MCUB: variants seen among roughly 807,000 people sequenced by gnomAD.
MCUB encodes mitochondrial calcium uniporter dominant negative subunit beta, also known as calcium uniporter regulatory subunit MCUb, mitochondrial.
Under a neutral mutation model 41.4 loss-of-function variants are expected in MCUB, and 46 were observed. The ratio of observed to expected loss-of-function variants is 1.11; its 90% CI spans 0.88 to 1.42. The LOEUF is 1.42. Ranked by LOEUF, MCUB falls within the 40% of genes most tolerant of loss-of-function variation. MCUB has a pLI of 0.00. For synonymous variants in MCUB, 148 were observed against 148.2 expected, an observed-to-expected ratio of 1.00 and a Z score of 0.01; for missense variants, 403 against 404.9, an observed-to-expected ratio of 1.00 and a Z score of 0.04.
chr4:109,601,170 A>C (rs1042210205), intron 1 of MCUB, among the ~76,000 whole-genome samples: 1 of 152,202 alleles, frequency 6.6e-6, no homozygotes, highest in Non-Finnish European at 1.5e-5. Flanking sequence ...TATGGGGTAC[A>C]TGAGATATTT....
At chr4:109,566,236 A>G (rs939199149) in intron 1 of MCUB, among the ~76,000 whole-genome samples, 5 of 150,654 alleles carry the variant, frequency 3.3e-5, no homozygotes, top group Non-Finnish European at 5.9e-5. Context: ...TTGGGAGGCC[A>G]AGGTGGGCAG....
At chr4:109,598,809 A>G (rs576894906) in intron 1 of MCUB, among the ~76,000 whole-genome samples, 10 of 152,328 alleles carry the variant, frequency 6.6e-5, no homozygotes, top group African/African-American at 2.4e-4. Context: ...TGTTCTTTCC[A>G]TAGTCAAATG....
chr4:109,578,785 A>G (rs960330687), intron 1 of MCUB, among the ~76,000 whole-genome samples: 12 of 152,080 alleles, frequency 7.9e-5, no homozygotes, highest in South Asian at 2.1e-4. Context: ...CATGCTTTCA[A>G]AAAATGACAT....
intron 1 of MCUB, among the ~76,000 whole-genome samples, chr4:109,605,238 G>A (rs933970777): frequency 1.1e-4 from 16 of 152,028 alleles, no homozygotes; most frequent in African/African-American, 3.9e-4. Context: ...TTTCTTCATG[G>A]TTCAATCTTG....
intron 1 of MCUB, among the ~76,000 whole-genome samples, chr4:109,625,411 T>A (rs7677585): frequency 9.9e-5 from 15 of 152,174 alleles, no homozygotes; most frequent in Non-Finnish European, 2.2e-4. Context: ...GCAGCTATCC[T>A]GTTTTTCACT....
intron 1 of MCUB, among the ~76,000 whole-genome samples, chr4:109,588,092 G>T (rs1019549215): frequency 6.6e-6 from 1 of 152,110 alleles, no homozygotes; most frequent in Non-Finnish European, 1.5e-5. Flanking sequence ...ACTTAGTTTT[G>T]CAGTAGCCTT....
chr4:109,629,882 T>C (rs1728436963), intron 1 of MCUB, among the ~76,000 whole-genome samples: 1 of 152,196 alleles, frequency 6.6e-6, no homozygotes, highest in Admixed American at 6.5e-5. Context: ...CCATTGGTGA[T>C]CAACTTAACC....
chr4:109,639,007 A>C (rs1182481858), intron 1 of MCUB, among the ~76,000 whole-genome samples: 3 of 152,178 alleles, frequency 2.0e-5, no homozygotes, highest in African/African-American at 7.2e-5. Context: ...AAGTCATCCG[A>C]GAGGGTTGGA....
intron 4 of MCUB, among the ~76,000 whole-genome samples, chr4:109,666,970 ATTG>A (rs1729359452): frequency 6.6e-6 from 1 of 152,024 alleles, no homozygotes; most frequent in Admixed American, 6.6e-5. Flanking sequence ...CTTTTTAGAC[ATTG>A]TTGTATTTTA....
In MCUB at chr4:109,682,758, G is replaced by T. The variant is rs369544747; in HGVS notation, c.612+16G>T. ...CCTTGAACAGGTTAGGAAGCATCACGGTTGAGTATATTTGAAAATAATACC... is the reference window on the plus strand; with the variant it reads ...CCTTGAACAGGTTAGGAAGCATCACTGTTGAGTATATTTGAAAATAATACC... On this transcript the variant is annotated intron_variant, in intron 5 of 7. Coordinates refer to ENST00000394650, the MANE Select transcript of MCUB (RefSeq NM_017918.5). The T allele has an allele frequency of 2.5e-6, 4 of 1,591,564 alleles. No homozygotes were observed. Among genetic ancestry groups the T allele is most frequent in the South Asian group, 1.1e-5 (1 of 87,548 alleles).
chr4:109,580,200 G>C (rs972213221), intron 1 of MCUB, among the ~76,000 whole-genome samples: 4 of 152,170 alleles, frequency 2.6e-5, no homozygotes, highest in African/African-American at 4.8e-5. Context: ...CCCTGCAAAG[G>C]ACATGAACTC....
intron 1 of MCUB, among the ~76,000 whole-genome samples, chr4:109,580,974 A>C (rs1456328461): frequency 6.6e-6 from 1 of 152,244 alleles, no homozygotes; most frequent in Non-Finnish European, 1.5e-5. Context: ...TTATAGATTC[A>C]ATGCCATCCC....
chr4:109,610,823 T>G (rs955649178), intron 1 of MCUB, among the ~76,000 whole-genome samples: 3 of 152,148 alleles, frequency 2.0e-5, no homozygotes, highest in Admixed American at 6.5e-5. Context: ...TTGAATACTG[T>G]AGGAAGTTGC....
intron 1 of MCUB, among the ~76,000 whole-genome samples, chr4:109,640,217 G>T (rs1728684765): frequency 6.6e-6 from 1 of 152,212 alleles, no homozygotes; most frequent in African/African-American, 2.4e-5. Flanking sequence ...AGGGTGTATT[G>T]TCATAAGGTC....
chr4:109,563,429 G>A (rs1479109182), intron 1 of MCUB, among the ~76,000 whole-genome samples: 1 of 152,088 alleles, frequency 6.6e-6, no homozygotes, highest in East Asian at 1.9e-4. Flanking sequence ...TATCGTTCTT[G>A]TTTGACATGT....
At chr4:109,600,684 G>A (rs192581508) in intron 1 of MCUB, among the ~76,000 whole-genome samples, 21 of 152,232 alleles carry the variant, frequency 1.4e-4, no homozygotes, top group Admixed American at 2.0e-4. Context: ...AAAAACCCTG[G>A]TTCCTAAACT....
At chr4:109,588,373 C>T (rs560503064) in intron 1 of MCUB, among the ~76,000 whole-genome samples, 45 of 152,214 alleles carry the variant, frequency 3.0e-4, no homozygotes, top group South Asian at 2.1e-3. Context: ...GGGCAGCAGC[C>T]GAGAAATTGC....
intron 1 of MCUB, among the ~76,000 whole-genome samples, chr4:109,584,903 G>A (rs1210540252): frequency 6.6e-6 from 1 of 152,182 alleles, no homozygotes; most frequent in Non-Finnish European, 1.5e-5. Flanking sequence ...AGTGTGATGT[G>A]GTTCTGAGAA....
intron 1 of MCUB, among the ~76,000 whole-genome samples, chr4:109,592,834 A>G (rs1015921484): frequency 6.6e-6 from 1 of 152,238 alleles, no homozygotes; most frequent in Non-Finnish European, 1.5e-5. Flanking sequence ...AAACATTTCC[A>G]TCACACCAGC....
Sources: gnomAD v4.1 joint callset for allele counts (sites outside exome capture counted in the v4.1 genomes callset) on GRCh38, gnomAD v4.1.1 for gene constraint, MANE v1.5 for transcripts, NCBI Gene and HGNC (gene_info 2026-07-23, HGNC 2026-07-21) for gene names.